The following PCDHGB7 variants were observed in gnomAD, a reference collection of about 807,000 sequenced individuals.
PCDHGB7 encodes protocadherin gamma-B7.
In PCDHGB7, 37 loss-of-function variants were observed where a neutral mutation model predicts 61.4. That is an observed-to-expected ratio of 0.60 (90% CI 0.46 to 0.79). PCDHGB7 has a LOEUF of 0.79. Among genes scored for constraint, PCDHGB7 ranks in the 30% least tolerant of loss-of-function variants. The pLI is 0.00. For missense variants in PCDHGB7, 1,166 were observed against 1,202.5 expected (o/e 0.97, Z 0.45); for synonymous variants, 464 against 503.5 (o/e 0.92, Z 1.05).
At chr5:141,503,598 CAAAAAAAAAAAA>C (rs765754054) in intron 2 of PCDHGB7, among the ~76,000 whole-genome samples, 11 of 65,762 alleles carry the variant, frequency 1.7e-4, no homozygotes, top group Admixed American at 3.4e-4. Context: ...GACTCCAGCT[CAAAAAAAAAAAA>C]AAAAGAAAAA....
chr5:141,496,083 C>T (rs1267834920), intron 2 of PCDHGB7, among the ~76,000 whole-genome samples: 8 of 151,904 alleles, frequency 5.3e-5, no homozygotes, highest in Admixed American at 3.3e-4. Flanking sequence ...CAACCCCCCA[C>T]CCACCACCCA....
chr5:141,476,754 T>G lies in PCDHGB7; in HGVS notation c.2416-18053T>G. 1 of 1,613,926 alleles carries G rather than the reference T, an allele frequency of 6.2e-7. No individual in the cohort carries two copies. The highest frequency in any genetic ancestry group is 1.1e-5 in the South Asian group (1 of 91,084). On this transcript the variant is annotated intron_variant, in intron 1 of 3. Coordinates refer to ENST00000398594, the MANE Select transcript of PCDHGB7 (RefSeq NM_018927.4). The surrounding 1 kb of genome is among the most constrained non-coding windows in gnomAD (Gnocchi z 7.6). Reference sequence around the variant, plus strand: ...GAACGGGAGCCTAGTCTCCAGTTAGTGCTGACGGCGTTGGACGGAGGGACC... The same window carrying G: ...GAACGGGAGCCTAGTCTCCAGTTAGGGCTGACGGCGTTGGACGGAGGGACC...
Position 141,432,036 on chromosome 5 carries a change from AC to A in PCDHGB7, c.2415+11764del, listed in dbSNP as rs1419691535. The A allele has an allele frequency of 6.2e-7, 1 of 1,614,218 alleles. No individual in the cohort carries two copies. The highest frequency in any genetic ancestry group is 1.3e-5 in the African/African-American group (1 of 75,048). On this transcript the variant is annotated intron_variant, in intron 1 of 3. Coordinates refer to ENST00000398594, the MANE Select transcript of PCDHGB7 (RefSeq NM_018927.4). This position sits in a 1 kb window ranked among gnomAD's most constrained non-coding sequence, Gnocchi z 6.0. ...TACAACATCACAGTGACCGCCACTG[AC>A]CGGGGAACCCCGCCCCTATCCACGG...
chr5:141,469,747 C>T (rs1392088794), intron 1 of PCDHGB7, among the ~76,000 whole-genome samples: 1 of 152,134 alleles, frequency 6.6e-6, no homozygotes, highest in Non-Finnish European at 1.5e-5. Context: ...TCAAAAATTA[C>T]AAAAATACAT....
Position 141,418,597 on chromosome 5 carries a change from G to T in PCDHGB7, c.738G>T (p.Val246=). The T allele has an allele frequency of 4.3e-6, 7 of 1,614,052 alleles. No homozygotes were observed. The highest frequency in any genetic ancestry group is 1.1e-5 in the South Asian group (1 of 91,090). Residue 246 remains valine (V), a synonymous_variant, in exon 1 of 4, where the codon GTG becomes GTT. Coordinates refer to ENST00000398594, the MANE Select transcript of PCDHGB7 (RefSeq NM_018927.4). ...ACCCCCCAGTGTTCAGCCAGGACGT[G>T]TACAGGGTTAGCCTTCGGGAAGACG... The part of the protein sequence containing the change: ...NDNPPVFSQD[V]YRVSLREDVP...
chr5:141,427,776 G>A (rs3828681), intron 1 of PCDHGB7: 73,622 of 1,424,156 alleles, frequency 0.052, 2,339 homozygotes, highest in African/African-American at 0.13. Flanking sequence ...GGAGCTGCGG[G>A]CACTGTCGTC....
In PCDHGB7 at chr5:141,511,284, G is replaced by A; in HGVS notation, c.*111G>A. Reference sequence around the variant, plus strand: ...AGGGCTAACCCCCAGAATACTGGTAGGGGCCAAGGCCATGCTCCCCTTGGG... The same window carrying A: ...AGGGCTAACCCCCAGAATACTGGTAAGGGCCAAGGCCATGCTCCCCTTGGG... On this transcript the variant is annotated 3_prime_UTR_variant, in exon 4 of 4. Coordinates refer to ENST00000398594, the MANE Select transcript of PCDHGB7 (RefSeq NM_018927.4). 6.5e-7 allele frequency: 1 copy of A among 1,528,376 alleles called. No individual in the cohort carries two copies. The highest frequency in any genetic ancestry group is 1.4e-5 in the African/African-American group (1 of 72,796). The allele number at this position is 1,528,376 out of a possible 1,614,324, so 94.7% of individuals were successfully genotyped here.
At position 141,418,851 on chromosome 5, in the gene PCDHGB7, G is replaced by A. The variant is rs778281594; in HGVS notation, c.992G>A (p.Cys331Tyr). ...GACCGAGGATCTCTCTCAACACGGT[G>A]TAAAGTAATTGTAGAAGTTGTAGAC... The part of the protein sequence containing the change: ...AKDRGSLSTR[C>Y]KVIVEVVDEN... The change falls in exon 1 of 4, where the codon TGT (cysteine) becomes TAT (tyrosine). Residue 331 changes from cysteine (C) to tyrosine (Y), a missense_variant. Transcript: ENST00000398594. 5.6e-6 allele frequency: 9 copies of A among 1,613,906 alleles called. No homozygotes were observed. Among genetic ancestry groups the A allele is most frequent in the South Asian group, 2.2e-5 (2 of 91,084 alleles).
intron 1 of PCDHGB7, among the ~76,000 whole-genome samples, chr5:141,488,713 C>A (rs1165389103): frequency 6.6e-6 from 1 of 152,184 alleles, no homozygotes; most frequent in Non-Finnish European, 1.5e-5. Context: ...CTGGTTCAAG[C>A]AAAGTGGTGG....
At chr5:141,483,988 G>A (rs78891657) in intron 1 of PCDHGB7, among the ~76,000 whole-genome samples, 1,520 of 149,036 alleles carry the variant, frequency 0.01, 30 homozygotes, top group African/African-American at 0.037. Flanking sequence ...TAGCTAGGTT[G>A]CTGGGAGGTC....
chr5:141,428,376 A>G (rs2097136159), intron 1 of PCDHGB7: 2 of 528,068 alleles, frequency 3.8e-6, no homozygotes, highest in African/African-American at 1.9e-5. Flanking sequence ...TGCACCTGCG[A>G]TGCTCTTCCA....
intron 3 of PCDHGB7, among the ~76,000 whole-genome samples, chr5:141,508,624 G>A (rs552418899): frequency 3.3e-5 from 5 of 152,256 alleles, no homozygotes; most frequent in African/African-American, 9.6e-5. Context: ...TGGGTGGGCC[G>A]AGCTTCTAGC....
chr5:141,452,701 G>A (rs2098747163), intron 1 of PCDHGB7, among the ~76,000 whole-genome samples: 1 of 151,838 alleles, frequency 6.6e-6, no homozygotes, highest in Non-Finnish European at 1.5e-5. Context: ...TGTCAAGAAA[G>A]AAAGGAAGGA....
chr5:141,422,062 A>C, intron 1 of PCDHGB7: 4 of 1,612,140 alleles, frequency 2.5e-6, no homozygotes, highest in Non-Finnish European at 3.4e-6. Context: ...CGGGGAAGTA[A>C]TGTATTCATT....
intron 3 of PCDHGB7, among the ~76,000 whole-genome samples, chr5:141,507,777 CT>C (rs1213538221): frequency 6.6e-6 from 1 of 152,220 alleles, no homozygotes; most frequent in Admixed American, 6.5e-5. Context: ...CACACAGGGC[CT>C]GACCCTCGTC....
chr5:141,511,412 C>A lies in PCDHGB7; in HGVS notation c.*239C>A. 1.1e-6 allele frequency: 1 copy of A among 892,000 alleles called. No homozygotes were observed. Among genetic ancestry groups the A allele is most frequent in the Non-Finnish European group, 1.6e-6 (1 of 609,476 alleles). The allele number at this position is 892,000 out of a possible 1,614,324, so 55.3% of individuals were successfully genotyped here. On this transcript the variant is annotated 3_prime_UTR_variant, in exon 4 of 4. Coordinates refer to ENST00000398594, the MANE Select transcript of PCDHGB7 (RefSeq NM_018927.4). ...AACCCCCATCCAATCAACTGCTGTA[C>A]CCATGGGGGTAGTGGGGTTACTGTA...
At chr5:141,426,015 T>G (rs1168777347) in intron 1 of PCDHGB7, among the ~76,000 whole-genome samples, 3 of 152,200 alleles carry the variant, frequency 2.0e-5, no homozygotes, top group African/African-American at 7.2e-5. Flanking sequence ...GGCTGCAGTT[T>G]TCTAAATAGA....
chr5:141,431,622 C>T lies in PCDHGB7; in HGVS notation c.2415+11348C>T, dbSNP rs761448407. 3 of 1,614,070 alleles carry T rather than the reference C, an allele frequency of 1.9e-6. No individual in the cohort carries two copies. The African/African-American group carries it at 4.0e-5, about 22-fold the overall frequency. ...TCCTTCCGGTATGTGGACGACAAGGCGGCCCAAGTTTTCAAACTAGATTGT... is the reference window on the plus strand; with the variant it reads ...TCCTTCCGGTATGTGGACGACAAGGTGGCCCAAGTTTTCAAACTAGATTGT... On this transcript the variant is annotated intron_variant, in intron 1 of 3. Transcript: ENST00000398594. The surrounding 1 kb of genome is among the most constrained non-coding windows in gnomAD (Gnocchi z 4.8).
rs1207371456 is a variant in PCDHGB7 at position 141,487,371 on chromosome 5, G to A, written c.2416-7436G>A. On this transcript the variant is annotated intron_variant, in intron 1 of 3. Transcript: ENST00000398594. The surrounding 1 kb of genome is among the most constrained non-coding windows in gnomAD (Gnocchi z 5.0). ...TGCTTTCCTGCTGGCACCTGTGCCT[G>A]TCTCACCAGATCTCGAAGGAGGGAG... The A allele has an allele frequency of 4.3e-6, 7 of 1,614,076 alleles. No individual in the cohort carries two copies. In the Admixed American group the frequency reaches 5.0e-5, roughly 12 times the overall value.
Sources: allele counts gnomAD v4.1 joint callset (sites outside exome capture counted in the v4.1 genomes callset), GRCh38; gene constraint gnomAD v4.1.1; non-coding constraint Gnocchi (gnomAD v3.1); transcripts MANE v1.5; gene names NCBI Gene and HGNC (gene_info 2026-07-23, HGNC 2026-07-21).